The following GARNL3 variants were observed in gnomAD, a reference collection of about 807,000 sequenced individuals.
The protein encoded by GARNL3 is GTPase activating Rap/RanGAP domain like 3, also known as GTPase-activating Rap/Ran-GAP domain-like protein 3.
GARNL3 carries 63 observed loss-of-function variants against 125.0 expected under a neutral mutation model. That is an observed-to-expected ratio of 0.50 (90% confidence interval 0.41 to 0.62). The LOEUF (loss-of-function observed/expected upper bound fraction) is 0.62, where lower values mean the gene tolerates loss of function less well. Among genes scored for constraint, GARNL3 ranks in the 20% least tolerant of loss-of-function variants. The pLI is 0.00. For missense variants in GARNL3, 994 were observed against 1,244.0 expected (o/e 0.80, Z 3.02); for synonymous variants, 439 against 457.5 (o/e 0.96, Z 0.52).
intron 21 of GARNL3, among the ~76,000 whole-genome samples, chr9:127,357,873 C>T: frequency 6.6e-6 from 1 of 152,004 alleles, no homozygotes; most frequent in East Asian, 1.9e-4. Flanking sequence ...CTGGGAGGGT[C>T]CTTGGAGAAT....
intron 1 of GARNL3, among the ~76,000 whole-genome samples, chr9:127,236,652 C>T (rs973537310): frequency 5.8e-4 from 88 of 152,308 alleles, no homozygotes; most frequent in African/African-American, 2.1e-3. Flanking sequence ...GTCTTGAACT[C>T]CTGGCCTCAG....
chr9:127,389,867 C>G (rs1832733079), intron 26 of GARNL3, among the ~76,000 whole-genome samples: 1 of 147,624 alleles, frequency 6.8e-6, no homozygotes, highest in African/African-American at 2.5e-5. Flanking sequence ...GCTACAGGGA[C>G]CCATGATTAC....
chr9:127,243,003 G>A (rs1460157130), intron 1 of GARNL3: 1 of 1,209,630 alleles, frequency 8.3e-7, no homozygotes, highest in African/African-American at 1.6e-5. Flanking sequence ...CCTTTGGGAG[G>A]AGGGTAAAGC....
At chr9:127,374,767 C>T (rs550969678) in intron 22 of GARNL3, among the ~76,000 whole-genome samples, 87 of 152,024 alleles carry the variant, frequency 5.7e-4, no homozygotes, top group African/African-American at 2.0e-3. Flanking sequence ...GCTATTAGGG[C>T]AATGCAAATC....
chr9:127,286,170 C>T (rs2064244954), intron 1 of GARNL3, among the ~76,000 whole-genome samples: 1 of 152,234 alleles, frequency 6.6e-6, no homozygotes, highest in East Asian at 1.9e-4. Context: ...GCAAAAGTCT[C>T]TTTTCTGGAC....
chr9:127,390,549 C>T (rs1832767338), intron 26 of GARNL3, 92 bp from the exon 27 acceptor site: 5 of 1,119,740 alleles, frequency 4.5e-6, no homozygotes, highest in African/African-American at 3.1e-5. Context: ...CACAACAATG[C>T]ACCAGTTCCC....
intron 7 of GARNL3, among the ~76,000 whole-genome samples, chr9:127,327,091 C>T (rs1359504567): frequency 2.6e-5 from 4 of 152,172 alleles, no homozygotes; most frequent in South Asian, 2.1e-4. Flanking sequence ...ACATTATTTA[C>T]GTATAATCCC....
chr9:127,281,138 C>T (rs202143128), intron 1 of GARNL3, among the ~76,000 whole-genome samples: 1 of 151,998 alleles, frequency 6.6e-6, no homozygotes, highest in Non-Finnish European at 1.5e-5. Context: ...CCTGATTAAC[C>T]ACAGATCCCC....
chr9:127,299,040 G>C (rs1228487774), intron 2 of GARNL3, among the ~76,000 whole-genome samples: 1 of 152,178 alleles, frequency 6.6e-6, no homozygotes, highest in African/African-American at 2.4e-5. Context: ...AGTCAGGCCA[G>C]GCACGGTGGC....
chr9:127,384,962 C>A lies in GARNL3; in HGVS notation c.2270-65C>A. ...TAGAGAAGTGAGTGTGACTATGACACAGTCACAGCCCCTTCGCGGCCACCA... is the reference window on the plus strand; with the variant it reads ...TAGAGAAGTGAGTGTGACTATGACAAAGTCACAGCCCCTTCGCGGCCACCA... On this transcript the variant is annotated intron_variant, in intron 23 of 27. Transcript: ENST00000373387. This position sits in a 1 kb window ranked among gnomAD's most constrained non-coding sequence, Gnocchi z 4.0. 1.2e-6 allele frequency: 1 copy of A among 836,960 alleles called. No homozygotes were observed. 51.8% of individuals were successfully genotyped at this position (836,960 alleles called of 1,614,324 possible).
intron 1 of GARNL3, among the ~76,000 whole-genome samples, chr9:127,273,567 C>T (rs2063876837): frequency 6.6e-6 from 1 of 152,212 alleles, no homozygotes; most frequent in South Asian, 2.1e-4. Flanking sequence ...AAACACTTGG[C>T]CTGCCTTTGT....
At chr9:127,229,005 T>G (rs1350888011) in intron 1 of GARNL3, among the ~76,000 whole-genome samples, 1 of 152,138 alleles carries the variant, frequency 6.6e-6, no homozygotes, top group East Asian at 1.9e-4. Context: ...TATTTTTTAG[T>G]AGAGACCGGG....
At chr9:127,231,046 A>ATTTT (rs1400588484) in intron 1 of GARNL3, among the ~76,000 whole-genome samples, 2 of 45,248 alleles carry the variant, frequency 4.4e-5, no homozygotes, top group African/African-American at 1.3e-4. Flanking sequence ...ATATATATAT[A>ATTTT]TATATTTTTT....
At chr9:127,325,017 T>G in intron 6 of GARNL3, 52 bp from the exon 7 acceptor site, 18 of 1,558,016 alleles carry the variant, frequency 1.2e-5, no homozygotes, top group African/African-American at 1.4e-5. Context: ...CAAGTCAAAA[T>G]GAAATAATTA....
intron 7 of GARNL3, 49 bp downstream of exon 7, chr9:127,325,144 TA>T: frequency 6.4e-7 from 1 of 1,564,486 alleles, no homozygotes; most frequent in Non-Finnish European, 8.8e-7. Context: ...TCCATGTTTG[TA>T]AATATATTTC....
chr9:127,387,545 C>G (rs1235267761), intron 25 of GARNL3, among the ~76,000 whole-genome samples: 2 of 151,866 alleles, frequency 1.3e-5, no homozygotes, highest in East Asian at 1.9e-4. Flanking sequence ...GAGTTCAAGA[C>G]CAGCCTGACC....
At chr9:127,360,010 A>T (rs895779341) in intron 21 of GARNL3, among the ~76,000 whole-genome samples, 46 of 151,494 alleles carry the variant, frequency 3.0e-4, no homozygotes, top group Non-Finnish European at 4.7e-4. Context: ...TCCTAAGAGA[A>T]AAAAAAATGT....
At chr9:127,311,095 T>A (rs993751730) in intron 2 of GARNL3, among the ~76,000 whole-genome samples, 7 of 152,116 alleles carry the variant, frequency 4.6e-5, no homozygotes, top group Non-Finnish European at 1.0e-4. Context: ...GTTGTATCTA[T>A]ATAATAAAAG....
chr9:127,251,347 A>G (rs1355964872), intron 2 of GARNL3, among the ~76,000 whole-genome samples: 1 of 148,752 alleles, frequency 6.7e-6, no homozygotes, highest in Non-Finnish European at 1.5e-5. Context: ...TTTGAAGAAC[A>G]TCCCCCCTTC....
Sources: gnomAD v4.1 joint callset for allele counts (sites outside exome capture counted in the v4.1 genomes callset) on GRCh38, gnomAD v4.1.1 for gene constraint, Gnocchi (gnomAD v3.1) non-coding constraint, MANE v1.5 for transcripts, NCBI Gene and HGNC (gene_info 2026-07-23, HGNC 2026-07-21) for gene names.